Variants in KLF13 observed in about 807,000 individuals in gnomAD.
KLF13 encodes Krueppel-like factor 13.
A neutral mutation model predicts 16.7 loss-of-function variants in KLF13; 8 were observed. The ratio of observed to expected loss-of-function variants is 0.48; its 90% confidence interval spans 0.28 to 0.87. The LOEUF (loss-of-function observed/expected upper bound fraction) is 0.87. KLF13 is among the 40% of genes least tolerant of loss of function. The pLI, the probability that KLF13 is intolerant of heterozygous loss-of-function variation, is 0.10. For missense variants in KLF13, 447 were observed against 452.2 expected (o/e 0.99, Z 0.10); for synonymous variants, 245 against 208.4 (o/e 1.18, Z -1.51).
At chr15:31,397,914 G>A (rs887693617) in intron 2 of KLF13, among the ~76,000 whole-genome samples, 2 of 151,762 alleles carry the variant, frequency 1.3e-5, no homozygotes, top group African/African-American at 2.4e-5. Context: ...GAATTCTTCA[G>A]TCTTTCTCTC....
intron 1 of KLF13, among the ~76,000 whole-genome samples, chr15:31,426,500 A>G (rs372171806): frequency 1.3e-5 from 2 of 152,212 alleles, no homozygotes; most frequent in East Asian, 3.8e-4. Context: ...AAATAAAACA[A>G]TCAAGAAAGT....
At chr15:31,414,150 G>T (rs1207810418) in intron 1 of KLF13, among the ~76,000 whole-genome samples, 1 of 152,112 alleles carries the variant, frequency 6.6e-6, no homozygotes, top group Non-Finnish European at 1.5e-5. Flanking sequence ...ACTAGTTTAA[G>T]TCTCAAGGTG....
upstream of KLF13, among the ~76,000 whole-genome samples, chr15:31,390,232 G>A (rs2140981924): frequency 6.6e-6 from 1 of 152,144 alleles, no homozygotes; most frequent in South Asian, 2.1e-4. Context: ...CCACCCTCTG[G>A]TGGATCACTC....
upstream of KLF13, among the ~76,000 whole-genome samples, chr15:31,391,003 T>C (rs151095707): frequency 2.1e-3 from 316 of 148,654 alleles, 2 homozygotes; most frequent in African/African-American, 7.2e-3. Context: ...TGACCCTTAC[T>C]AGGCTGTTGA....
chr15:31,388,765 CAAAAAA>C (rs11310230), upstream of KLF13, among the ~76,000 whole-genome samples: 1 of 106,222 alleles, frequency 9.4e-6, no homozygotes, highest in Non-Finnish European at 1.8e-5. Context: ...TAAAAAATCC[CAAAAAA>C]AAAAAAAAAA....
rs1394172248 is a variant in KLF13, at chr15:31,385,265, T to C, written n.224-50105T>C. 2.0e-5 allele frequency among the ~76,000 whole-genome samples: 3 copies of C among 152,208 alleles called. No individual in the cohort carries two copies. In the East Asian group the frequency reaches 5.8e-4, roughly 29 times the overall value. On this transcript the variant is annotated intron_variant and non_coding_transcript_variant, in intron 1 of 1. Coordinates refer to the KLF13 transcript ENST00000558921. Reference sequence around the variant, plus strand: ...TTTTAGCAGCCTGAACTGATGAGTATCTATAGACCAAGAGCATGAAACCTA... The same window carrying C: ...TTTTAGCAGCCTGAACTGATGAGTACCTATAGACCAAGAGCATGAAACCTA...
chr15:31,416,005 A>G (rs2040250178), intron 1 of KLF13, among the ~76,000 whole-genome samples: 2 of 152,164 alleles, frequency 1.3e-5, no homozygotes, highest in Non-Finnish European at 2.9e-5. Flanking sequence ...CCGACTTTAC[A>G]GAAGTAAAAG....
rs575828566 is a variant in KLF13 at position 31,333,519 on chromosome 15, T to C, written c.577+5730T>C. On this transcript the variant is annotated intron_variant, in intron 1 of 1. Coordinates refer to ENST00000307145, the MANE Select transcript of KLF13 (RefSeq NM_015995.4). ...CTCCTATACTCTTCCCATAGGGTCATTGGGTAATATTTTGCCACATTTTTC... is the reference window on the plus strand; with the variant it reads ...CTCCTATACTCTTCCCATAGGGTCACTGGGTAATATTTTGCCACATTTTTC... Among the ~76,000 whole-genome samples the C allele has an allele frequency of 9.2e-5, 14 of 152,344 alleles. No individual in the cohort carries two copies. The South Asian group carries it at 2.9e-3, about 32-fold the overall frequency.
At chr15:31,435,325 T>G (rs2040517329) in intron 1 of KLF13, 1 of 152,146 alleles carries the variant, frequency 6.6e-6, no homozygotes, top group Admixed American at 6.5e-5. Context: ...GCAGGTGGTG[T>G]GTTTAATCTC....
At chr15:31,393,627 C>T (rs1265997183) in exon 2 of KLF13, 1 of 152,482 alleles carries the variant, frequency 6.6e-6, no homozygotes, top group East Asian at 1.9e-4. Flanking sequence ...CTTCGGTGCT[C>T]CAAGACCAGA....
chr15:31,419,341 T>G (rs1306993401), intron 1 of KLF13, among the ~76,000 whole-genome samples: 2 of 152,102 alleles, frequency 1.3e-5, no homozygotes, highest in Admixed American at 6.5e-5. Flanking sequence ...ATTAATGACC[T>G]GAAAAAGAAT....
intron 1 of KLF13, among the ~76,000 whole-genome samples, chr15:31,410,635 C>T (rs2040183013): frequency 6.8e-6 from 1 of 147,296 alleles, no homozygotes; most frequent in Non-Finnish European, 1.5e-5. Context: ...ACCCCTATAA[C>T]ATCAAAGTAA....
rs1245022084 is a variant in KLF13, at chr15:31,326,881, C to G, written c.-332C>G. The G allele has an allele frequency of 6.6e-6, 1 of 151,208 alleles. No homozygotes were observed. Among genetic ancestry groups the G allele is most frequent in the African/African-American group, 2.4e-5 (1 of 41,288 alleles). The allele number at this position is 151,208 out of a possible 1,614,324, so 9.4% of individuals were successfully genotyped here. On this transcript the variant is annotated 5_prime_UTR_variant, in exon 1 of 2. Coordinates refer to ENST00000307145, the MANE Select transcript of KLF13 (RefSeq NM_015995.4). ...GGCAGCTGTCCCGCCTGCCACAATG[C>G]GCGGCGAAGCTGCGGCCGCGACTTG...
intron 1 of KLF13, among the ~76,000 whole-genome samples, chr15:31,338,579 G>A (rs904996692): frequency 6.6e-5 from 10 of 152,164 alleles, no homozygotes; most frequent in Admixed American, 1.3e-4. Flanking sequence ...GTGCCCAGCC[G>A]TGGCTGTGTA....
At chr15:31,346,912 G>A (rs1392368557) in intron 1 of KLF13, among the ~76,000 whole-genome samples, 1 of 152,156 alleles carries the variant, frequency 6.6e-6, no homozygotes, top group African/African-American at 2.4e-5. Flanking sequence ...GTGTGGGTTG[G>A]GTGGGCCAGC....
rs2039668501 is a variant in KLF13 at position 31,377,498 on chromosome 15, A to C, written c.*5199A>C. 6.6e-6 allele frequency: 1 copy of C among 152,658 alleles called. No individual in the cohort carries two copies. The highest frequency in any genetic ancestry group is 1.5e-5 in the Non-Finnish European group (1 of 68,062). 9.5% of individuals were successfully genotyped at this position (152,658 alleles called of 1,614,324 possible). On this transcript the variant is annotated 3_prime_UTR_variant, in exon 2 of 2. Transcript: ENST00000307145. ...CGGGTCTCAGCTGCCCCAGGCCCGC[A>C]CAGGCAACCCCTTCCCATCCAAAGC...
At chr15:31,379,337 A>G (rs1027229982), downstream of KLF13, among the ~76,000 whole-genome samples, 3 of 152,192 alleles carry the variant, frequency 2.0e-5, no homozygotes, top group Admixed American at 6.5e-5. Flanking sequence ...CCGCCTTCTC[A>G]GAGCCATTTA....
At chr15:31,336,642 C>A (rs1275988811) in intron 1 of KLF13, among the ~76,000 whole-genome samples, 1 of 152,118 alleles carries the variant, frequency 6.6e-6, no homozygotes, top group East Asian at 1.9e-4. Context: ...GATGGCAGAG[C>A]ATGAATAGGG....
In KLF13 at chr15:31,327,023, G is replaced by C. The variant is rs1283596280; in HGVS notation, c.-190G>C. On this transcript the variant is annotated 5_prime_UTR_variant, in exon 1 of 2. Coordinates refer to ENST00000307145, the MANE Select transcript of KLF13 (RefSeq NM_015995.4). ...CGCTCACTCTTCGGTGCCCGGCCGG[G>C]CCGGCGCCTCGCAGACGCGGAGCCG... is the stretch of plus-strand genomic sequence containing the variant. 2 of 308,370 alleles carry C rather than the reference G, an allele frequency of 6.5e-6. No individual in the cohort carries two copies. The highest frequency in any genetic ancestry group is 9.9e-6 in the Non-Finnish European group (2 of 202,850). 19.1% of individuals were successfully genotyped at this position (308,370 alleles called of 1,614,324 possible).
Sources: gnomAD v4.1 joint callset for allele counts (sites outside exome capture counted in the v4.1 genomes callset) on GRCh38, gnomAD v4.1.1 for gene constraint, MANE v1.5 for transcripts, NCBI Gene and HGNC (gene_info 2026-07-23, HGNC 2026-07-21) for gene names.